The following PRUNE2 variants were observed in gnomAD, a reference collection of about 807,000 sequenced individuals.
The protein encoded by PRUNE2 is prune homolog 2 with BCH domain.
PRUNE2 carries 164 observed loss-of-function variants against 252.0 expected under a neutral mutation model. The ratio of observed to expected loss-of-function variants is 0.65; its 90% CI spans 0.57 to 0.74. PRUNE2 has a LOEUF of 0.74. Ranked by LOEUF, PRUNE2 falls within the 30% of genes least tolerant of loss-of-function variation. The pLI, the probability that PRUNE2 is intolerant of heterozygous loss-of-function variation, is 0.00. For synonymous variants in PRUNE2, 1,292 were observed against 1,350.2 expected, an observed-to-expected ratio of 0.96 and a Z score of 0.94; for missense variants, 3,495 against 3,711.0, an observed-to-expected ratio of 0.94 and a Z score of 1.51.
chr9:76,794,700 A>G (rs2055912602), intron 6 of PRUNE2, among the ~76,000 whole-genome samples: 1 of 152,038 alleles, frequency 6.6e-6, no homozygotes, highest in Non-Finnish European at 1.5e-5. Context: ...AAGAAAGCTT[A>G]GTTTCTTCAC....
chr9:76,634,231 G>A (rs1189179390), intron 15 of PRUNE2, among the ~76,000 whole-genome samples: 1 of 152,298 alleles, frequency 6.6e-6, no homozygotes, highest in South Asian at 2.1e-4. Context: ...CCACAACACT[G>A]TTGCTATAAT....
intron 11 of PRUNE2, among the ~76,000 whole-genome samples, chr9:76,648,591 C>CAAT (rs1845918442): frequency 6.6e-6 from 1 of 152,160 alleles, no homozygotes; most frequent in Admixed American, 6.5e-5. Context: ...AGTCCAACTA[C>CAAT]ATGGATTCTG....
At chr9:76,897,224 C>A (rs1486374272) in intron 1 of PRUNE2, among the ~76,000 whole-genome samples, 1 of 152,016 alleles carries the variant, frequency 6.6e-6, no homozygotes, top group Non-Finnish European at 1.5e-5. Flanking sequence ...CTCCTATAAA[C>A]TTGTCAAGCT....
At chr9:76,754,998 A>C (rs1564222124) in intron 6 of PRUNE2, among the ~76,000 whole-genome samples, 1 of 151,110 alleles carries the variant, frequency 6.6e-6, no homozygotes, top group African/African-American at 2.4e-5. Flanking sequence ...ACCCAAAAAA[A>C]CAAAAGCAAA....
At chr9:76,792,046 G>C (rs1044193241) in intron 6 of PRUNE2, among the ~76,000 whole-genome samples, 1 of 152,136 alleles carries the variant, frequency 6.6e-6, no homozygotes, top group African/African-American at 2.4e-5. Flanking sequence ...GCCTTTGTGC[G>C]AGGCCAGGGT....
chr9:76,901,604 C>T (rs954984906), intron 1 of PRUNE2, among the ~76,000 whole-genome samples: 3 of 152,228 alleles, frequency 2.0e-5, no homozygotes, highest in African/African-American at 7.2e-5. Context: ...ATTCTGCAGA[C>T]ATGCTGCCGT....
chr9:76,752,737 C>T (rs1164187858), intron 6 of PRUNE2, among the ~76,000 whole-genome samples: 1 of 152,118 alleles, frequency 6.6e-6, no homozygotes, highest in Non-Finnish European at 1.5e-5. Flanking sequence ...TAATATCATT[C>T]CCCAATCTAC....
At chr9:76,745,630 T>G (rs765438508) in intron 6 of PRUNE2, among the ~76,000 whole-genome samples, 3 of 152,132 alleles carry the variant, frequency 2.0e-5, no homozygotes, top group Non-Finnish European at 4.4e-5. Flanking sequence ...AAACTATCCT[T>G]GAGAAACCCT....
chr9:76,707,370 G>A lies in PRUNE2; in HGVS notation c.4904C>T (p.Ser1635Phe), dbSNP rs1463901809. The A allele has an allele frequency of 1.2e-6, 2 of 1,613,836 alleles. No individual in the cohort carries two copies. The highest frequency in any genetic ancestry group is 2.7e-5 in the African/African-American group (2 of 74,918). ...GCCTGTTTCAGGACTGGATAAAGAGGAAAAGGAATCACCATCAACTGAGTC... is the reference window on the plus strand; with the variant it reads ...GCCTGTTTCAGGACTGGATAAAGAGAAAAAGGAATCACCATCAACTGAGTC... ...WNDSVDGDSF[S>F]SLSSPETGKY... Residue 1635 changes from serine to phenylalanine, a missense_variant, in exon 8 of 19, where the codon TCC becomes TTC. Coordinates refer to ENST00000376718, the MANE Select transcript of PRUNE2 (RefSeq NM_015225.3).
chr9:76,691,924 GC>G, intron 9 of PRUNE2: 1 of 626,750 alleles, frequency 1.6e-6, no homozygotes. Context: ...GTTGCAAGGG[GC>G]TGGGCAGAAT....
chr9:76,670,384 C>A (rs1490268148), intron 9 of PRUNE2, among the ~76,000 whole-genome samples: 2 of 152,228 alleles, frequency 1.3e-5, no homozygotes, highest in South Asian at 2.1e-4. Context: ...TATCCCGCAC[C>A]TGGCTCGGAG....
intron 6 of PRUNE2, chr9:76,733,572 T>A (rs965237422): frequency 5.3e-5 from 8 of 152,002 alleles, no homozygotes; most frequent in African/African-American, 1.9e-4. Context: ...CTAATTTTTT[T>A]TTTTTTATTT....
chr9:76,800,783 C>T (rs748898765), intron 6 of PRUNE2, among the ~76,000 whole-genome samples: 1 of 152,178 alleles, frequency 6.6e-6, no homozygotes, highest in Non-Finnish European at 1.5e-5. Flanking sequence ...GAAGATTACA[C>T]ATAAAATGTT....
chr9:76,795,246 A>G (rs1216040955), intron 6 of PRUNE2, among the ~76,000 whole-genome samples: 1 of 144,942 alleles, frequency 6.9e-6, no homozygotes, highest in Non-Finnish European at 1.5e-5. Flanking sequence ...CAAAGAGCAG[A>G]TCTGCCTTCT....
At position 76,768,583 on chromosome 9, in the gene PRUNE2, A is replaced by ATGTGTG. The variant is rs55793596; in HGVS notation, c.757-54868_757-54863dup. 2.3e-3 allele frequency among the ~76,000 whole-genome samples: 237 copies of ATGTGTG among 103,336 alleles called. 1 individual carries two copies. Among genetic ancestry groups the ATGTGTG allele is most frequent in the East Asian group, 6.4e-3 (15 of 2,342 alleles). The allele number at this position is 103,336 out of a possible 152,430, so 67.8% of individuals were successfully genotyped here. A position where few individuals can be genotyped will look rare whatever the true frequency, so the allele number is the denominator to read the frequency against. ...TGGGTTGATATATATATGTATATGT[A>ATGTGTG]TGTGTGTGTGTGTGTGTGTGTGTGT... On this transcript the variant is annotated intron_variant, in intron 6 of 18. Transcript: ENST00000376718.
chr9:76,899,371 T>C (rs2063035487), intron 1 of PRUNE2, among the ~76,000 whole-genome samples: 1 of 152,228 alleles, frequency 6.6e-6, no homozygotes, highest in Non-Finnish European at 1.5e-5. Flanking sequence ...TAACACTTTG[T>C]ATTAAGTACT....
intron 12 of PRUNE2, chr9:76,644,527 T>C: frequency 1.5e-6 from 1 of 665,256 alleles, no homozygotes; most frequent in Non-Finnish European, 2.7e-6. Flanking sequence ...AAGCCCGTTT[T>C]ATATTGGAAA....
chr9:76,790,837 TTCAATAAGCAC>T (rs1246181421), intron 6 of PRUNE2, among the ~76,000 whole-genome samples: 1 of 152,210 alleles, frequency 6.6e-6, no homozygotes, highest in Non-Finnish European at 1.5e-5. Context: ...TGTCATCATA[TTCAATAAGCAC>T]TCAAGAAACA....
chr9:76,747,980 T>G (rs962957442), intron 6 of PRUNE2, among the ~76,000 whole-genome samples: 1 of 152,098 alleles, frequency 6.6e-6, no homozygotes, highest in African/African-American at 2.4e-5. Context: ...TTTTTTTTAG[T>G]AGAGACGGGG....
Sources: gnomAD v4.1 joint callset for allele counts (sites outside exome capture counted in the v4.1 genomes callset) on GRCh38, gnomAD v4.1.1 for gene constraint, MANE v1.5 for transcripts, NCBI Gene and HGNC (gene_info 2026-07-23, HGNC 2026-07-21) for gene names.